RAD51C: variants seen among roughly 807,000 people sequenced by gnomAD.
The protein encoded by RAD51C is RAD51 paralog C.
Under a neutral mutation model 45.0 loss-of-function variants are expected in RAD51C, and 42 were observed. The ratio of observed to expected loss-of-function variants is 0.93; its 90% CI spans 0.73 to 1.21. The LOEUF is 1.21. Among genes scored for constraint, RAD51C ranks in the 50% most tolerant of loss-of-function variants. The pLI is 0.00. For missense variants in RAD51C, 474 were observed against 452.2 expected (o/e 1.05, Z -0.44); for synonymous variants, 172 against 159.8 (o/e 1.08, Z -0.58).
chr17:58,721,660 G>C (rs2048921384), intron 6 of RAD51C, among the ~76,000 whole-genome samples: 1 of 151,946 alleles, frequency 6.6e-6, no homozygotes, highest in Non-Finnish European at 1.5e-5. Flanking sequence ...TTGGGAGGCT[G>C]AGGCAGGAGA....
chr17:58,729,181 A>T (rs1197204853), intron 7 of RAD51C, among the ~76,000 whole-genome samples: 1 of 152,128 alleles, frequency 6.6e-6, no homozygotes, highest in African/African-American at 2.4e-5. Flanking sequence ...TAAAAGTGGT[A>T]TTTTTACCTA....
chr17:58,704,127 C>A (rs1301570183), intron 4 of RAD51C, among the ~76,000 whole-genome samples: 1 of 151,636 alleles, frequency 6.6e-6, no homozygotes, highest in Non-Finnish European at 1.5e-5. Flanking sequence ...CTGTCTTTGG[C>A]CTACCCAGTC....
At chr17:58,703,449 T>G in intron 4 of RAD51C, 120 bp downstream of exon 4, 22 of 1,085,842 alleles carry the variant, frequency 2.0e-5, no homozygotes, top group Non-Finnish European at 2.6e-5. Flanking sequence ...AGAAAATCTC[T>G]TCCTTCCTTG....
chr17:58,711,718 G>A (rs1482745127), intron 5 of RAD51C, among the ~76,000 whole-genome samples: 10 of 151,530 alleles, frequency 6.6e-5, no homozygotes, highest in Admixed American at 4.6e-4. Context: ...ATCATCTGCC[G>A]GCCTCAGCCT....
In RAD51C at chr17:58,732,523, C is replaced by A. The variant is rs759292615; in HGVS notation, c.1005C>A (p.Cys335Ter). Residue 335 changes from cysteine (C) to a stop codon, truncating the protein, a stop_gained, in exon 8 of 9, where the codon TGC becomes TGA. Coordinates refer to ENST00000337432, the MANE Select transcript of RAD51C (RefSeq NM_058216.3). LOFTEE classifies it high-confidence loss of function. The part of the protein sequence containing the change: ...TLYKSPSQKE[C>*]TVLFQIKPQG... ...ACAAGTCACCCAGCCAGAAGGAATGCACAGTACTGTTTCAAATCAAAGTCA... is the reference window on the plus strand; with the variant it reads ...ACAAGTCACCCAGCCAGAAGGAATGAACAGTACTGTTTCAAATCAAAGTCA... The A allele has an allele frequency of 1.2e-6, 2 of 1,613,224 alleles. No homozygotes were observed. The highest frequency in any genetic ancestry group is 2.2e-5 in the South Asian group (2 of 91,054).
intron 7 of RAD51C, among the ~76,000 whole-genome samples, chr17:58,731,992 T>TA (rs1305180460): frequency 6.6e-6 from 1 of 152,128 alleles, no homozygotes; most frequent in African/African-American, 2.4e-5. Flanking sequence ...CAGCAATAAT[T>TA]AAAAAAACAT....
chr17:58,722,783 C>T (rs1179519687), intron 6 of RAD51C, among the ~76,000 whole-genome samples: 1 of 152,138 alleles, frequency 6.6e-6, no homozygotes, highest in African/African-American at 2.4e-5. Context: ...TGGAATTTGG[C>T]CAGGATGCAC....
At chr17:58,694,663 C>T (rs1317139742) in intron 1 of RAD51C, 18 of 412,234 alleles carry the variant, frequency 4.4e-5, no homozygotes, top group East Asian at 1.0e-4. Context: ...TTAGTAGAGA[C>T]GGAGTTTCAC....
chr17:58,721,299 G>C (rs2048910460), intron 6 of RAD51C, among the ~76,000 whole-genome samples: 1 of 151,978 alleles, frequency 6.6e-6, no homozygotes, highest in African/African-American at 2.4e-5. Context: ...CGTATCTACT[G>C]TCTGGCAACT....
chr17:58,710,543 C>T (rs990298136), intron 5 of RAD51C, among the ~76,000 whole-genome samples: 11 of 151,104 alleles, frequency 7.3e-5, no homozygotes, highest in African/African-American at 2.7e-4. Context: ...GAAATGCCAC[C>T]TTTGTTAATT....
Position 58,696,768 on chromosome 17 carries a change from A to G in RAD51C, c.480A>G (p.Thr160=), listed in dbSNP as rs1060504670. 6.2e-7 allele frequency: 1 copy of G among 1,614,222 alleles called. No individual in the cohort carries two copies. The highest frequency in any genetic ancestry group is 1.7e-5 in the Admixed American group (1 of 60,020). ...CAGGTGAAGCAGTTTTTATTGATAC[A>G]GAGGGAAGTTTTATGGTTGATAGAG... is the stretch of plus-strand genomic sequence containing the variant. ...GVAGEAVFID[T]EGSFMVDRVV... The change falls in exon 3 of 9, where the codon ACA becomes ACG. Residue 160 remains threonine (T), a synonymous_variant. Coordinates refer to ENST00000337432, the MANE Select transcript of RAD51C (RefSeq NM_058216.3).
rs1024574796 is a variant in RAD51C, at chr17:58,693,013, T to C, written c.145+225T>C. ...TTACTAATTGCTTTTCCTCTGGCAA[T>C]GCCTGCTGAATGCTTTGAGGATTGT... is the stretch of plus-strand genomic sequence containing the variant. On this transcript the variant is annotated intron_variant, in intron 1 of 8. Coordinates refer to ENST00000337432, the MANE Select transcript of RAD51C (RefSeq NM_058216.3). The C allele has an allele frequency of 5.0e-6, 3 of 598,412 alleles. No homozygotes were observed. In the Admixed American group the frequency reaches 9.0e-5, roughly 18 times the overall value. The allele number at this position is 598,412 out of a possible 1,614,324, so 37.1% of individuals were successfully genotyped here.
rs1206069677 is a variant in RAD51C, at chr17:58,709,727, G to A, written c.706-132G>A. On this transcript the variant is annotated intron_variant, in intron 4 of 8. Coordinates refer to ENST00000337432, the MANE Select transcript of RAD51C (RefSeq NM_058216.3). The stretch of plus-strand genomic sequence containing the variant: ...ATTTACTGTTCCAGGCATTGGGGAT[G>A]ATATAGTAAATAAGACAGAAGAATA... 1.2e-5 allele frequency: 10 copies of A among 833,360 alleles called. No homozygotes were observed. The Admixed American group carries it at 1.9e-4, about 16-fold the overall frequency. The allele number at this position is 833,360 out of a possible 1,614,324, so 51.6% of individuals were successfully genotyped here.
chr17:58,695,497 G>A (rs1007195188), intron 2 of RAD51C: 7 of 419,136 alleles, frequency 1.7e-5, no homozygotes, highest in Non-Finnish European at 1.9e-5. Flanking sequence ...TTTGAAAGTA[G>A]ATTTATGGCT....
In RAD51C at chr17:58,696,824, A is replaced by G. The variant is rs1064794989; in HGVS notation, c.536A>G (p.His179Arg). ...GACCTTGCTACTGCCTGCATTCAGC[A>G]CCTTCAGCTTATAGCAGAAAAACAC... ...VVDLATACIQ[H>R]LQLIAEKHKG... Residue 179 changes from histidine to arginine, a missense_variant, in exon 3 of 9, where the codon CAC becomes CGC. His to Arg is a conservative substitution (Grantham distance 29, BLOSUM62 0). Coordinates refer to ENST00000337432, the MANE Select transcript of RAD51C (RefSeq NM_058216.3). 7 of 1,614,076 alleles carry G rather than the reference A, an allele frequency of 4.3e-6. No homozygotes were observed. Among genetic ancestry groups the G allele is most frequent in the Non-Finnish European group, 5.9e-6 (7 of 1,180,028 alleles).
At position 58,718,712 on chromosome 17, in the gene RAD51C, AT is replaced by A. The variant is rs1015738886; in HGVS notation, c.838-2024del. Among the ~76,000 whole-genome samples the A allele has an allele frequency of 9.8e-4, 148 of 150,294 alleles. 1 individual carries two copies. Among genetic ancestry groups the A allele is most frequent in the African/African-American group, 3.3e-3 (136 of 40,976 alleles). ...GGAGTCATTTGACCTGACTACTAGGATTTTTTTTTTCCTAGTTCATCTACTT... is the reference window on the plus strand; with the variant it reads ...GGAGTCATTTGACCTGACTACTAGGATTTTTTTTTCCTAGTTCATCTACTT... On this transcript the variant is annotated intron_variant, in intron 5 of 8. Coordinates refer to ENST00000337432, the MANE Select transcript of RAD51C (RefSeq NM_058216.3).
intron 6 of RAD51C, among the ~76,000 whole-genome samples, chr17:58,721,863 T>C (rs2048929792): frequency 6.6e-6 from 1 of 151,880 alleles, no homozygotes; most frequent in Non-Finnish European, 1.5e-5. Context: ...AAGTACAGGG[T>C]ACTGTACAAA....
Position 58,724,038 on chromosome 17 carries a change from A to G in RAD51C, c.905-2A>G, listed in dbSNP as rs779582317. The G allele has an allele frequency of 6.2e-7, 1 of 1,611,564 alleles. No individual in the cohort carries two copies. Among genetic ancestry groups the G allele is most frequent in the Non-Finnish European group, 8.5e-7 (1 of 1,177,710 alleles). On this transcript the variant is annotated splice_acceptor_variant, in intron 6 of 8. Transcript: ENST00000337432. LOFTEE classifies it high-confidence loss of function. ...TACAGTTATTATGTTTTTTACTCTC[A>G]GGGGAAAGTTGGGGACATGCTGCTA...
chr17:58,708,011 C>A (rs2048430297), intron 4 of RAD51C, among the ~76,000 whole-genome samples: 1 of 152,158 alleles, frequency 6.6e-6, no homozygotes, highest in African/African-American at 2.4e-5. Flanking sequence ...TAGAGGCCCT[C>A]TCTCCAAATA....
Sources: gnomAD v4.1 joint callset for allele counts (sites outside exome capture counted in the v4.1 genomes callset) on GRCh38, gnomAD v4.1.1 for gene constraint, MANE v1.5 for transcripts, NCBI Gene and HGNC (gene_info 2026-07-23, HGNC 2026-07-21) for gene names.